ARHGAP10: variants seen among roughly 807,000 people sequenced by gnomAD.
The protein encoded by ARHGAP10 is Rho GTPase activating protein 10.
Under a neutral mutation model 108.6 loss-of-function variants are expected in ARHGAP10, and 87 were observed. The ratio of observed to expected loss-of-function variants is 0.80; its 90% CI spans 0.67 to 0.96. The LOEUF (loss-of-function observed/expected upper bound fraction) is 0.96, where lower values mean the gene tolerates loss of function less well. Among genes scored for constraint, ARHGAP10 ranks in the 40% least tolerant of loss-of-function variants. The pLI, the probability that ARHGAP10 is intolerant of heterozygous loss-of-function variation, is 0.00. For missense variants in ARHGAP10, 939 were observed against 954.5 expected, an observed-to-expected ratio of 0.98 and a Z score of 0.21; for synonymous variants, 347 against 341.1, an observed-to-expected ratio of 1.02 and a Z score of -0.19.
intron 10 of ARHGAP10, among the ~76,000 whole-genome samples, chr4:147,891,494 T>C (rs940418974): frequency 1.3e-5 from 2 of 152,156 alleles, no homozygotes; most frequent in Non-Finnish European, 2.9e-5. Context: ...AGGTTTTCTT[T>C]TTACTCCCTA....
intron 16 of ARHGAP10, among the ~76,000 whole-genome samples, chr4:147,964,300 C>A (rs1235219608): frequency 6.6e-6 from 1 of 152,176 alleles, no homozygotes. Flanking sequence ...TTAAACCAGC[C>A]GGTCCTCAAC....
intron 12 of ARHGAP10, among the ~76,000 whole-genome samples, chr4:147,912,398 G>A (rs1044626340): frequency 6.6e-6 from 1 of 151,156 alleles, no homozygotes; most frequent in Non-Finnish European, 1.5e-5. Flanking sequence ...AAAATTAGCT[G>A]GGCTTGGTGG....
At chr4:147,945,077 G>T (rs1188458528) in intron 14 of ARHGAP10, among the ~76,000 whole-genome samples, 1 of 152,098 alleles carries the variant, frequency 6.6e-6, no homozygotes, top group East Asian at 1.9e-4. Context: ...GTATGGCTGG[G>T]CCAGGTTGTT....
chr4:147,974,542 T>G (rs1314578803), intron 18 of ARHGAP10, among the ~76,000 whole-genome samples: 5 of 152,218 alleles, frequency 3.3e-5, no homozygotes, highest in African/African-American at 1.2e-4. Flanking sequence ...AATATAAGAA[T>G]ACAATTCAGA....
At chr4:147,917,394 G>A (rs1157403619) in intron 13 of ARHGAP10, 1 of 152,210 alleles carries the variant, frequency 6.6e-6, no homozygotes, top group African/African-American at 2.4e-5. Flanking sequence ...ATAGCCACTT[G>A]TCTCCTCCAC....
At chr4:147,998,494 C>T (rs546737296) in intron 18 of ARHGAP10, among the ~76,000 whole-genome samples, 15 of 152,204 alleles carry the variant, frequency 9.9e-5, no homozygotes, top group Admixed American at 1.3e-4. Flanking sequence ...CTTTTTGTGA[C>T]GTCAGCAGGG....
intron 4 of ARHGAP10, among the ~76,000 whole-genome samples, chr4:147,854,303 A>G (rs1176069854): frequency 6.6e-6 from 1 of 152,208 alleles, no homozygotes; most frequent in Admixed American, 6.5e-5. Flanking sequence ...AAATCAGAAG[A>G]CATGGCCAAC....
At chr4:147,974,121 C>G (rs1179135698) in intron 18 of ARHGAP10, among the ~76,000 whole-genome samples, 1 of 152,086 alleles carries the variant, frequency 6.6e-6, no homozygotes, top group Non-Finnish European at 1.5e-5. Flanking sequence ...CCAAAGTATT[C>G]TCCATAGGGG....
intron 16 of ARHGAP10, among the ~76,000 whole-genome samples, chr4:147,959,707 T>C (rs1738922926): frequency 6.6e-6 from 1 of 152,192 alleles, no homozygotes; most frequent in Admixed American, 6.5e-5. Flanking sequence ...GCATCCTTTT[T>C]AATGGTTGCA....
intron 1 of ARHGAP10, among the ~76,000 whole-genome samples, chr4:147,817,532 G>T (rs1047076421): frequency 2.6e-5 from 4 of 152,182 alleles, no homozygotes; most frequent in Non-Finnish European, 5.9e-5. Flanking sequence ...TTCAAAACGA[G>T]GTTGGCTCTC....
intron 1 of ARHGAP10, among the ~76,000 whole-genome samples, chr4:147,820,430 C>A (rs1408815478): frequency 6.6e-6 from 1 of 151,776 alleles, no homozygotes; most frequent in Admixed American, 6.6e-5. Context: ...GGACTACAGG[C>A]AACCGCCACC....
intron 1 of ARHGAP10, among the ~76,000 whole-genome samples, chr4:147,821,588 T>C (rs1413281950): frequency 7.9e-5 from 12 of 152,178 alleles, no homozygotes; most frequent in Admixed American, 7.9e-4. Flanking sequence ...CAGTGGGGAA[T>C]GTTGAACAAA....
chr4:147,966,593 T>C, intron 17 of ARHGAP10, 87 bp from the exon 18 acceptor site: 1 of 1,281,770 alleles, frequency 7.8e-7, no homozygotes, highest in Non-Finnish European at 1.0e-6. Context: ...CCCTTGCTTT[T>C]AAGGAAATAC....
In ARHGAP10 at chr4:148,029,875, G is replaced by A. The variant is rs144882528; in HGVS notation, c.1867+6462G>A. On this transcript the variant is annotated intron_variant, in intron 19 of 22. Coordinates refer to ENST00000336498, the MANE Select transcript of ARHGAP10 (RefSeq NM_024605.4). ...CACTTTTACAATGATGAGATCAATGGGTTGGAAAAGGCAGCCAGAAGATTC... is the reference window on the plus strand; with the variant it reads ...CACTTTTACAATGATGAGATCAATGAGTTGGAAAAGGCAGCCAGAAGATTC... 4.2e-3 allele frequency among the ~76,000 whole-genome samples: 634 copies of A among 152,244 alleles called. 3 individuals carry two copies. The highest frequency in any genetic ancestry group is 6.7e-3 in the Non-Finnish European group (459 of 68,018).
At chr4:147,918,486 A>G (rs919219886) in intron 13 of ARHGAP10, among the ~76,000 whole-genome samples, 6 of 152,214 alleles carry the variant, frequency 3.9e-5, no homozygotes, top group African/African-American at 1.4e-4. Context: ...ACCCATATCG[A>G]AAAATGATAA....
In ARHGAP10 at chr4:147,965,070, A is replaced by G. The variant is rs1560849146; in HGVS notation, c.1497A>G (p.Val499=). Residue 499 remains valine, a synonymous_variant, in exon 17 of 23, where the codon GTA becomes GTG. Transcript: ENST00000336498. The stretch of plus-strand genomic sequence containing the variant: ...GTGTTAATGCGATCCATTTCTTGGT[A>G]CACAAACTGCCAGAGAAGAATAAAG... ...ESRVNAIHFL[V]HKLPEKNKEM... is the part of the protein sequence containing the mutation. 1 of 1,607,570 alleles carries G rather than the reference A, an allele frequency of 6.2e-7. No homozygotes were observed. The highest frequency in any genetic ancestry group is 1.7e-5 in the Admixed American group (1 of 59,434).
At chr4:147,870,975 T>TGTG in intron 7 of ARHGAP10, among the ~76,000 whole-genome samples, 1 of 130,942 alleles carries the variant, frequency 7.6e-6, no homozygotes, top group Non-Finnish European at 1.7e-5. Flanking sequence ...TGTGTGTGTG[T>TGTG]TTGAGATGGA....
At chr4:147,959,416 G>A (rs993652760) in intron 16 of ARHGAP10, among the ~76,000 whole-genome samples, 2 of 151,812 alleles carry the variant, frequency 1.3e-5, no homozygotes, top group Non-Finnish European at 2.9e-5. Context: ...TGTGTACAAC[G>A]TGCAGATTTG....
chr4:147,767,849 CAT>C (rs1456622360), intron 1 of ARHGAP10, among the ~76,000 whole-genome samples: 1 of 152,114 alleles, frequency 6.6e-6, no homozygotes, highest in Non-Finnish European at 1.5e-5. Flanking sequence ...CAGTGAATAA[CAT>C]ATTTGTATTA....
Sources: gnomAD v4.1 joint callset for allele counts (sites outside exome capture counted in the v4.1 genomes callset) on GRCh38, gnomAD v4.1.1 for gene constraint, MANE v1.5 for transcripts, NCBI Gene and HGNC (gene_info 2026-07-23, HGNC 2026-07-21) for gene names.